EXD3: variants seen among roughly 807,000 people sequenced by gnomAD.
EXD3 encodes the protein exonuclease 3'-5' domain containing 3.
Under a neutral mutation model 98.0 loss-of-function variants are expected in EXD3, and 92 were observed. That is an observed-to-expected ratio of 0.94 (90% CI 0.79 to 1.12). EXD3 has a LOEUF of 1.12. Among genes scored for constraint, EXD3 ranks in the 50% most tolerant of loss-of-function variants. The pLI, the probability that EXD3 is intolerant of heterozygous loss-of-function variation, is 0.00. For missense variants in EXD3, 1,222 were observed against 1,191.6 expected, an observed-to-expected ratio of 1.03 and a Z score of -0.38; for synonymous variants, 569 against 526.0, an observed-to-expected ratio of 1.08 and a Z score of -1.12.
At chr9:137,329,237 G>A (rs1393228815) in intron 17 of EXD3, among the ~76,000 whole-genome samples, 2 of 17,010 alleles carry the variant, frequency 1.2e-4, no homozygotes, top group Non-Finnish European at 1.8e-4. Flanking sequence ...GCTACACGGG[G>A]CTACACGGGA....
At chr9:137,375,164 A>G (rs953029557) in intron 3 of EXD3, among the ~76,000 whole-genome samples, 4 of 152,046 alleles carry the variant, frequency 2.6e-5, no homozygotes, top group Non-Finnish European at 5.9e-5. Context: ...GCGCGCCACC[A>G]TGCCTGGCTA....
rs188594357 is a variant in EXD3 at position 137,359,351 on chromosome 9, C to T, written c.657-2983G>A. 1.1e-4 allele frequency among the ~76,000 whole-genome samples: 9 copies of T among 83,736 alleles called. 3 individuals are homozygous for T. The highest frequency in any genetic ancestry group is 8.6e-4 in the Admixed American group (6 of 6,994). 54.9% of individuals were successfully genotyped at this position (83,736 alleles called of 152,430 possible). Reference sequence around the variant, plus strand: ...ATGCCAATCATGGGTGCAAATGCACCGGTAAACCCACTGCCCAAATCTCAA... The same window carrying T: ...ATGCCAATCATGGGTGCAAATGCACTGGTAAACCCACTGCCCAAATCTCAA... On this transcript the variant is annotated intron_variant, in intron 7 of 21. Coordinates refer to ENST00000340951, the MANE Select transcript of EXD3 (RefSeq NM_017820.5).
At chr9:137,404,334 A>G (rs6606590) in intron 1 of EXD3, among the ~76,000 whole-genome samples, 113,485 of 151,970 alleles carry the variant, frequency 0.75, 42,775 homozygotes, top group African/African-American at 0.83. Context: ...GGGAGCCCAC[A>G]AGGCCTCTGC....
chr9:137,355,450 T>TGGAGGAAGGAGGAA (rs1375173621), intron 8 of EXD3, among the ~76,000 whole-genome samples: 5 of 9,534 alleles, frequency 5.2e-4, no homozygotes, highest in Admixed American at 1.5e-3. Context: ...GAAGGGAGGA[T>TGGAGGAAGGAGGAA]GGAGGAAGGA....
intron 1 of EXD3, among the ~76,000 whole-genome samples, chr9:137,418,949 C>T (rs1313927011): frequency 6.6e-6 from 1 of 151,946 alleles, no homozygotes; most frequent in African/African-American, 2.4e-5. Flanking sequence ...ACCTGTGGTC[C>T]TATTTTGAGA....
At chr9:137,421,243 GA>G (rs1277105899) in intron 1 of EXD3, among the ~76,000 whole-genome samples, 1 of 152,066 alleles carries the variant, frequency 6.6e-6, no homozygotes, top group African/African-American at 2.4e-5. Flanking sequence ...CTGATGTGGG[GA>G]AAAAAAGTCT....
At chr9:137,414,664 G>A (rs1456403284) in intron 1 of EXD3, among the ~76,000 whole-genome samples, 2 of 152,036 alleles carry the variant, frequency 1.3e-5, no homozygotes, top group African/African-American at 4.8e-5. Context: ...TTTAACTTAA[G>A]GATTGTTCCT....
chr9:137,355,707 A>AG (rs1478017644), intron 8 of EXD3, among the ~76,000 whole-genome samples: 13 of 139,210 alleles, frequency 9.3e-5, no homozygotes, highest in Non-Finnish European at 1.2e-4. Flanking sequence ...GGAAGGAGGA[A>AG]GGAGGAAGGA....
chr9:137,373,076 G>A lies in EXD3; in HGVS notation c.295-4C>T. 1.3e-6 allele frequency: 2 copies of A among 1,561,372 alleles called. No individual in the cohort carries two copies. The highest frequency in any genetic ancestry group is 2.2e-5 in the East Asian group (1 of 44,484). The stretch of plus-strand genomic sequence containing the variant: ...GCTGCTTCAGCCTCAGGCTGTGCTG[G>A]AAGAGCAGGGACCCAGACTTACTGG... On this transcript the variant is annotated splice_polypyrimidine_tract_variant and splice_region_variant and intron_variant, in intron 4 of 21. Coordinates refer to ENST00000340951, the MANE Select transcript of EXD3 (RefSeq NM_017820.5).
intron 5 of EXD3, among the ~76,000 whole-genome samples, chr9:137,368,526 C>T (rs746175471): frequency 9.2e-5 from 14 of 152,204 alleles, no homozygotes; most frequent in African/African-American, 1.4e-4. Flanking sequence ...TGGCTGCGAT[C>T]GGGGCACGGC....
Position 137,352,805 on chromosome 9 carries a change from T to C in EXD3, c.871-19A>G. The C allele has an allele frequency of 6.3e-7, 1 of 1,575,360 alleles. No individual in the cohort carries two copies. Among genetic ancestry groups the C allele is most frequent in the South Asian group, 1.2e-5 (1 of 85,924 alleles). Reference sequence around the variant, plus strand: ...CCAGGCCCTGTGAGGAGGGTGGCCGTGAGGATGGAGATGGGGACATTGCTG... The same window carrying C: ...CCAGGCCCTGTGAGGAGGGTGGCCGCGAGGATGGAGATGGGGACATTGCTG... On this transcript the variant is annotated intron_variant, in intron 10 of 21. Coordinates refer to ENST00000340951, the MANE Select transcript of EXD3 (RefSeq NM_017820.5).
At chr9:137,404,412 AG>A (rs1323634380) in intron 1 of EXD3, among the ~76,000 whole-genome samples, 4 of 152,372 alleles carry the variant, frequency 2.6e-5, no homozygotes, top group African/African-American at 9.6e-5. Flanking sequence ...GAGCTCAGCC[AG>A]GATCAAAGCA....
rs1187236330 is a variant in EXD3, at chr9:137,322,291, C to T, written c.2184+1434G>A. On this transcript the variant is annotated intron_variant, in intron 19 of 21. Coordinates refer to ENST00000340951, the MANE Select transcript of EXD3 (RefSeq NM_017820.5). The stretch of plus-strand genomic sequence containing the variant: ...GCCAATGCCTGATTGGAGCTGTCCC[C>T]GTGGCCATGCCAGCCTGCACTAGGG... Among the ~76,000 whole-genome samples, 6 of 152,206 alleles carry T rather than the reference C, an allele frequency of 3.9e-5. No homozygotes were observed. In the East Asian group the frequency reaches 9.6e-4, roughly 24 times the overall value.
intron 3 of EXD3, among the ~76,000 whole-genome samples, chr9:137,382,204 C>CGCGGGGAGG (rs1564194954): frequency 6.6e-6 from 1 of 151,876 alleles, no homozygotes; most frequent in Non-Finnish European, 1.5e-5. Context: ...GAGGTGAGGG[C>CGCGGGGAGG]ACAGACACAG....
At position 137,377,611 on chromosome 9, in the gene EXD3, C is replaced by A. The variant is rs563794772; in HGVS notation, c.121-4012G>T. On this transcript the variant is annotated intron_variant, in intron 3 of 21. Transcript: ENST00000340951. ...TGATGCGCACCTTTAATCTCAGCTACTCAGGAGGCTGAGGCAGGAGAATCG... is the reference window on the plus strand; with the variant it reads ...TGATGCGCACCTTTAATCTCAGCTAATCAGGAGGCTGAGGCAGGAGAATCG... Among the ~76,000 whole-genome samples, 413 of 151,072 alleles carry A rather than the reference C, an allele frequency of 2.7e-3. 1 individual carries two copies. The highest frequency in any genetic ancestry group is 9.6e-3 in the African/African-American group (397 of 41,148).
chr9:137,329,258 G>A (rs371119245), intron 17 of EXD3, among the ~76,000 whole-genome samples: 4 of 14,584 alleles, frequency 2.7e-4, no homozygotes, highest in Non-Finnish European at 3.0e-4. Flanking sequence ...GCTACACGGG[G>A]CTACACGGGG....
intron 1 of EXD3, among the ~76,000 whole-genome samples, chr9:137,417,563 C>T (rs969580517): frequency 2.0e-5 from 3 of 152,192 alleles, no homozygotes; most frequent in Non-Finnish European, 2.9e-5. Flanking sequence ...CGGGCAGAGA[C>T]CACGGGGACC....
Position 137,382,130 on chromosome 9 carries a change from C to T in EXD3, c.120+1183G>A, listed in dbSNP as rs1224007143. 5.2e-5 allele frequency among the ~76,000 whole-genome samples: 7 copies of T among 133,714 alleles called. No homozygotes were observed. The South Asian group carries it at 1.5e-3, about 29-fold the overall frequency. 87.7% of individuals were successfully genotyped at this position (133,714 alleles called of 152,430 possible). On this transcript the variant is annotated intron_variant, in intron 3 of 21. Coordinates refer to ENST00000340951, the MANE Select transcript of EXD3 (RefSeq NM_017820.5). ...CAGGGCGGCGGTGGAGGTGAGGGCGCGGGGAGGAGGTGAGGGCGCGGGGAG... is the reference window on the plus strand; with the variant it reads ...CAGGGCGGCGGTGGAGGTGAGGGCGTGGGGAGGAGGTGAGGGCGCGGGGAG...
intron 19 of EXD3, among the ~76,000 whole-genome samples, chr9:137,318,519 T>G (rs891468989): frequency 6.6e-6 from 1 of 152,140 alleles, no homozygotes; most frequent in South Asian, 2.1e-4. Context: ...ACGGTATGCC[T>G]GGCCATGTCA....
Sources: allele counts gnomAD v4.1 joint callset (sites outside exome capture counted in the v4.1 genomes callset), GRCh38; gene constraint gnomAD v4.1.1; transcripts MANE v1.5; gene names NCBI Gene and HGNC (gene_info 2026-07-23, HGNC 2026-07-21).